ORC5: variants seen among roughly 807,000 people sequenced by gnomAD.
The protein encoded by ORC5 is origin recognition complex subunit 5.
ORC5 carries 39 observed loss-of-function variants against 58.8 expected under a neutral mutation model. The observed-to-expected ratio is 0.66, with a 90% CI of 0.51 to 0.87. ORC5 has a LOEUF of 0.87. Ranked by LOEUF, ORC5 falls within the 40% of genes least tolerant of loss-of-function variation. The pLI is 0.00. For missense variants in ORC5, 493 were observed against 506.3 expected, an observed-to-expected ratio of 0.97 and a Z score of 0.25; for synonymous variants, 218 against 177.6, an observed-to-expected ratio of 1.23 and a Z score of -1.81.
At chr7:104,164,315 T>C (rs1205947293) in intron 11 of ORC5, among the ~76,000 whole-genome samples, 1 of 152,232 alleles carries the variant, frequency 6.6e-6, no homozygotes, top group African/African-American at 2.4e-5. Context: ...TCCCAGCTAC[T>C]AGGGAGGCTG....
chr7:104,185,755 A>G (rs942694036), intron 6 of ORC5, among the ~76,000 whole-genome samples: 1 of 152,106 alleles, frequency 6.6e-6, no homozygotes, highest in African/African-American at 2.4e-5. Flanking sequence ...ACAGCAGTTT[A>G]AGCAAACTGG....
At chr7:104,195,911 T>A (rs1172849925) in intron 4 of ORC5, among the ~76,000 whole-genome samples, 1 of 152,224 alleles carries the variant, frequency 6.6e-6, no homozygotes, top group Non-Finnish European at 1.5e-5. Context: ...ATTCATCTGA[T>A]AAGTACTTTC....
intron 12 of ORC5, among the ~76,000 whole-genome samples, chr7:104,157,554 T>C (rs534711140): frequency 6.6e-6 from 1 of 152,090 alleles, no homozygotes; most frequent in Non-Finnish European, 1.5e-5. Context: ...CAAGTTGTTT[T>C]CTTAACTGTG....
In ORC5 at chr7:104,168,360, TTC is replaced by T. The variant is rs777246527; in HGVS notation, c.877+111_877+112del. On this transcript the variant is annotated intron_variant, in intron 9 of 13. Transcript: ENST00000297431. ...ATAGCATTATAGCTTGAAAAGTAAATTCTCTTTTATAACACTATTTCCTGACT... is the reference window on the plus strand; with the variant it reads ...ATAGCATTATAGCTTGAAAAGTAAATTCTTTTATAACACTATTTCCTGACT... The T allele has an allele frequency of 5.5e-6, 8 of 1,463,868 alleles. No individual in the cohort carries two copies. The Admixed American group carries it at 1.9e-4, about 34-fold the overall frequency. The allele number at this position is 1,463,868 out of a possible 1,614,324, so 90.7% of individuals were successfully genotyped here.
chr7:104,129,655 A>G lies in ORC5; in HGVS notation c.1263-2762T>C, dbSNP rs1324705009. 6.6e-6 allele frequency among the ~76,000 whole-genome samples: 1 copy of G among 152,244 alleles called. No individual in the cohort carries two copies. The highest frequency in any genetic ancestry group is 1.5e-5 in the Non-Finnish European group (1 of 68,040). ...CAAACAATCCTCTTTAAAGAAAGGT[A>G]TAACTTACAAGAGAATTGTGTAATT... is the stretch of plus-strand genomic sequence containing the variant. On this transcript the variant is annotated intron_variant, in intron 13 of 13. Coordinates refer to ENST00000297431, the MANE Select transcript of ORC5 (RefSeq NM_002553.4). The surrounding 1 kb of genome is among the most constrained non-coding windows in gnomAD (Gnocchi z 4.9).
intron 10 of ORC5, among the ~76,000 whole-genome samples, chr7:104,166,265 TACAG>T (rs887286557): frequency 4.0e-5 from 6 of 151,812 alleles, no homozygotes; most frequent in Non-Finnish European, 7.4e-5. Flanking sequence ...AGACAGAACA[TACAG>T]ACAAAGACCT....
At chr7:104,188,188 A>G (rs1799590131) in intron 6 of ORC5, 63 bp downstream of exon 6, 3 of 1,172,424 alleles carry the variant, frequency 2.6e-6, no homozygotes, top group South Asian at 3.0e-5. Flanking sequence ...ATATACACAT[A>G]TATGTATACA....
rs1304241979 is a variant in ORC5 at position 104,155,988 on chromosome 7, TA to T, written c.1149+5083del. ...AGCTGACAAATGGTCTTCAAAATCA[TA>T]ACTGATCAAATTAAAAATTTAGAAA... On this transcript the variant is annotated intron_variant, in intron 12 of 13. Transcript: ENST00000297431. Among the ~76,000 whole-genome samples, 5 of 151,736 alleles carry T rather than the reference TA, an allele frequency of 3.3e-5. No individual in the cohort carries two copies. The East Asian group carries it at 9.6e-4, about 29-fold the overall frequency.
At chr7:104,152,841 C>G (rs1338451574) in intron 12 of ORC5, among the ~76,000 whole-genome samples, 3 of 151,994 alleles carry the variant, frequency 2.0e-5, no homozygotes, top group Non-Finnish European at 2.9e-5. Context: ...TTATTTTATA[C>G]AAAAGTAGAA....
intron 12 of ORC5, among the ~76,000 whole-genome samples, chr7:104,141,802 A>T (rs527912023): frequency 6.6e-6 from 1 of 152,292 alleles, no homozygotes; most frequent in African/African-American, 2.4e-5. Context: ...ACTATAAAAC[A>T]CTGATGAAAG....
chr7:104,155,352 T>A (rs1798907252), intron 12 of ORC5, among the ~76,000 whole-genome samples: 1 of 151,672 alleles, frequency 6.6e-6, no homozygotes. Context: ...TACAACTAAG[T>A]ATGAAACCAC....
At chr7:104,202,686 T>C in intron 2 of ORC5, 1 of 326,232 alleles carries the variant, frequency 3.1e-6, no homozygotes, top group Admixed American at 3.8e-5. Context: ...ACATATATTT[T>C]GGGGGCACTT....
At chr7:104,202,532 C>T in intron 2 of ORC5, 1 of 456,484 alleles carries the variant, frequency 2.2e-6, no homozygotes, top group Admixed American at 2.4e-5. Context: ...ATTCTAAGTG[C>T]CTGTCTGAGT....
intron 11 of ORC5, among the ~76,000 whole-genome samples, chr7:104,162,695 T>C (rs1366676223): frequency 1.3e-5 from 2 of 152,188 alleles, no homozygotes; most frequent in Admixed American, 1.3e-4. Flanking sequence ...ATATAATGAA[T>C]ACCAATGGAC....
At chr7:104,146,362 T>A (rs1363957261) in intron 12 of ORC5, among the ~76,000 whole-genome samples, 3 of 152,138 alleles carry the variant, frequency 2.0e-5, no homozygotes, top group Non-Finnish European at 4.4e-5. Flanking sequence ...TACATGAATG[T>A]TCCTAACAGC....
chr7:104,143,267 T>G (rs1321649087), intron 12 of ORC5, among the ~76,000 whole-genome samples: 1 of 152,202 alleles, frequency 6.6e-6, no homozygotes, highest in African/African-American at 2.4e-5. Context: ...ACTCACATAT[T>G]TAGATTCTTT....
chr7:104,150,408 G>C (rs1053952726), intron 12 of ORC5, among the ~76,000 whole-genome samples: 1 of 151,998 alleles, frequency 6.6e-6, no homozygotes, highest in Non-Finnish European at 1.5e-5. Flanking sequence ...GAGACTTGAC[G>C]GTTCATGGCA....
rs201554196 is a variant in ORC5, at chr7:104,184,071, T to C, written c.734-38A>G. The C allele has an allele frequency of 2.1e-5, 33 of 1,591,016 alleles. No individual in the cohort carries two copies. The Middle Eastern group carries it at 6.7e-4, about 32-fold the overall frequency. On this transcript the variant is annotated intron_variant, in intron 7 of 13. Coordinates refer to ENST00000297431, the MANE Select transcript of ORC5 (RefSeq NM_002553.4). ...GAAGAAAATTTCAGTAATTTATATC[T>C]TGTAAAAACCTTTCTCAAAATAAAT... is the stretch of plus-strand genomic sequence containing the variant.
chr7:104,173,082 G>C (rs567027751), intron 8 of ORC5, among the ~76,000 whole-genome samples: 2 of 151,212 alleles, frequency 1.3e-5, no homozygotes, highest in Non-Finnish European at 2.9e-5. Flanking sequence ...CACGAAGAAA[G>C]TGTTATCACG....
Sources: gnomAD v4.1 joint callset for allele counts (sites outside exome capture counted in the v4.1 genomes callset) on GRCh38, gnomAD v4.1.1 for gene constraint, Gnocchi (gnomAD v3.1) non-coding constraint, MANE v1.5 for transcripts, NCBI Gene and HGNC (gene_info 2026-07-23, HGNC 2026-07-21) for gene names.